Variants in GRIK2 observed in about 807,000 individuals in gnomAD.
The protein encoded by GRIK2 is glutamate receptor ionotropic, kainate 2.
In GRIK2, 32 loss-of-function variants were observed where a neutral mutation model predicts 100.3. The observed-to-expected ratio is 0.32, with a 90% CI of 0.24 to 0.43. The LOEUF is 0.43. GRIK2 is among the 20% of genes least tolerant of loss of function. The pLI is 1.00. For synonymous variants in GRIK2, 417 were observed against 389.4 expected, an observed-to-expected ratio of 1.07 and a Z score of -0.83; for missense variants, 843 against 1,114.9, an observed-to-expected ratio of 0.76 and a Z score of 3.47.
Position 102,035,584 on chromosome 6 carries a change from T to C in GRIK2, c.2311+18T>C. 7.7e-7 allele frequency: 1 copy of C among 1,302,846 alleles called. No individual in the cohort carries two copies. The highest frequency in any genetic ancestry group is 1.1e-6 in the Non-Finnish European group (1 of 900,398). 80.7% of individuals were successfully genotyped at this position (1,302,846 alleles called of 1,614,324 possible). On this transcript the variant is annotated intron_variant, in intron 15 of 16. Transcript: ENST00000369134. The stretch of plus-strand genomic sequence containing the variant: ...TCCCATGGGTAGGTTATATGTCAGC[T>C]CTTTGTTCTTTGTTCATTAATCTGA...
chr6:101,723,940 G>A (rs964968295), intron 7 of GRIK2, among the ~76,000 whole-genome samples: 2 of 151,644 alleles, frequency 1.3e-5, no homozygotes, highest in Non-Finnish European at 2.9e-5. Flanking sequence ...AGATTGTGTA[G>A]TGTTACAGAT....
intron 14 of GRIK2, among the ~76,000 whole-genome samples, chr6:101,941,549 G>A (rs1790955029): frequency 6.6e-6 from 1 of 151,852 alleles, no homozygotes; most frequent in African/African-American, 2.4e-5. Flanking sequence ...CAAAGTTAGA[G>A]TCAAATGTTC....
intron 15 of GRIK2, among the ~76,000 whole-genome samples, chr6:102,037,151 T>C (rs1224438891): frequency 6.6e-6 from 1 of 151,316 alleles, no homozygotes. Context: ...AGATACTAAT[T>C]CTTGCATTTA....
At chr6:101,964,338 G>A (rs1419295806) in intron 14 of GRIK2, among the ~76,000 whole-genome samples, 1 of 151,874 alleles carries the variant, frequency 6.6e-6, no homozygotes, top group Non-Finnish European at 1.5e-5. Flanking sequence ...TGTTTCACTG[G>A]AGAGGAGGTT....
In GRIK2 at chr6:102,068,391, G is replaced by GAAGT; in HGVS notation, c.2608_2611dup (p.Cys871Ter). ...TGGTAGAAGAATTGAGGATGTCCCTGAAGTGCCAGCGTCGGTTAAAACATA... is the reference window on the plus strand; with the variant it reads ...TGGTAGAAGAATTGAGGATGTCCCTGAAGTAAGTGCCAGCGTCGGTTAAAACATA... On this transcript the variant is annotated frameshift_variant, in exon 17 of 17. Transcript: ENST00000369134. LOFTEE classifies it high-confidence loss of function. The GAAGT allele has an allele frequency of 6.2e-7, 1 of 1,612,052 alleles. No homozygotes were observed. Among genetic ancestry groups the GAAGT allele is most frequent in the Non-Finnish European group, 8.5e-7 (1 of 1,178,558 alleles).
intron 4 of GRIK2, among the ~76,000 whole-genome samples, chr6:101,637,247 T>C (rs975392244): frequency 6.6e-6 from 1 of 152,136 alleles, no homozygotes; most frequent in Non-Finnish European, 1.5e-5. Flanking sequence ...CCAATCTACA[T>C]TTTCAGTTGT....
chr6:101,776,672 A>G (rs1207751826), intron 7 of GRIK2, among the ~76,000 whole-genome samples: 1 of 152,204 alleles, frequency 6.6e-6, no homozygotes, highest in Non-Finnish European at 1.5e-5. Flanking sequence ...ATAATATTTT[A>G]CCACTCATCT....
At chr6:101,617,952 ATG>A (rs142418025) in intron 2 of GRIK2, among the ~76,000 whole-genome samples, 3,381 of 151,314 alleles carry the variant, frequency 0.022, 131 homozygotes, top group African/African-American at 0.076. Flanking sequence ...GTGTATATAT[ATG>A]TGTGTGTGTG....
intron 2 of GRIK2, among the ~76,000 whole-genome samples, chr6:101,464,566 G>A (rs1365336160): frequency 1.7e-5 from 2 of 117,274 alleles, no homozygotes; most frequent in African/African-American, 3.2e-5. Flanking sequence ...CGCCAGGCTG[G>A]AGTGCAGTGG....
intron 2 of GRIK2, among the ~76,000 whole-genome samples, chr6:101,576,187 T>C (rs576528183): frequency 6.6e-6 from 1 of 152,144 alleles, no homozygotes; most frequent in African/African-American, 2.4e-5. Context: ...CAGCTACCAC[T>C]GATAAGGAAG....
intron 2 of GRIK2, among the ~76,000 whole-genome samples, chr6:101,458,177 C>A (rs1377900844): frequency 6.6e-6 from 1 of 151,358 alleles, no homozygotes; most frequent in Non-Finnish European, 1.5e-5. Flanking sequence ...TATATTTTTT[C>A]CTTCTGAGAA....
chr6:102,012,871 A>G (rs13198052), intron 14 of GRIK2, among the ~76,000 whole-genome samples: 59,997 of 151,712 alleles, frequency 0.4, 12,552 homozygotes, highest in African/African-American at 0.54. Flanking sequence ...GTAATGTAAT[A>G]CCTCTAGCTT....
At chr6:101,626,720 T>G in intron 4 of GRIK2, 83 bp downstream of exon 4, 1 of 1,208,634 alleles carries the variant, frequency 8.3e-7, no homozygotes, top group Non-Finnish European at 1.2e-6. Context: ...TATTGTATTC[T>G]TATGTGCTTT....
chr6:101,676,151 G>A (rs776331050), intron 4 of GRIK2, among the ~76,000 whole-genome samples: 9 of 152,160 alleles, frequency 5.9e-5, no homozygotes, highest in African/African-American at 2.2e-4. Context: ...GTGTACACGT[G>A]TAAACGCACA....
chr6:101,965,603 C>T (rs970147399), intron 14 of GRIK2, among the ~76,000 whole-genome samples: 3 of 152,056 alleles, frequency 2.0e-5, no homozygotes, highest in African/African-American at 7.2e-5. Context: ...ACATATTCTC[C>T]TTGCATGTTA....
At chr6:101,571,594 G>A (rs1478667977) in intron 2 of GRIK2, among the ~76,000 whole-genome samples, 1 of 151,968 alleles carries the variant, frequency 6.6e-6, no homozygotes, top group East Asian at 1.9e-4. Context: ...TAGTGATTCT[G>A]GCCTGGAAAT....
chr6:101,407,320 G>A (rs762838816), intron 2 of GRIK2, among the ~76,000 whole-genome samples: 11 of 152,074 alleles, frequency 7.2e-5, no homozygotes, highest in African/African-American at 1.9e-4. Flanking sequence ...AGGTCCCCAC[G>A]TTTAGAGTCT....
intron 9 of GRIK2, among the ~76,000 whole-genome samples, chr6:101,817,813 G>T (rs1474981120): frequency 6.6e-6 from 1 of 152,104 alleles, no homozygotes; most frequent in African/African-American, 2.4e-5. Flanking sequence ...CTCCTTTCTT[G>T]GGAGCACTTT....
At chr6:101,760,415 T>C (rs1583091107) in intron 7 of GRIK2, among the ~76,000 whole-genome samples, 1 of 34,412 alleles carries the variant, frequency 2.9e-5, no homozygotes, top group South Asian at 2.0e-3. Flanking sequence ...ATTTATTATA[T>C]ATAATTAATT....
Sources: allele counts gnomAD v4.1 joint callset (sites outside exome capture counted in the v4.1 genomes callset), GRCh38; gene constraint gnomAD v4.1.1; transcripts MANE v1.5; gene names NCBI Gene and HGNC (gene_info 2026-07-23, HGNC 2026-07-21).